Variants in MATN2 observed in about 807,000 individuals in gnomAD.
MATN2 encodes the protein matrilin-2.
In MATN2, 69 loss-of-function variants were observed where a neutral mutation model predicts 103.2. The ratio of observed to expected loss-of-function variants is 0.67; its 90% confidence interval spans 0.55 to 0.82. The LOEUF is 0.82. Ranked by LOEUF, MATN2 falls within the 40% of genes least tolerant of loss-of-function variation. The pLI, the probability that MATN2 is intolerant of heterozygous loss-of-function variation, is 0.00. For synonymous variants in MATN2, 429 were observed against 450.2 expected (o/e 0.95, Z 0.60); for missense variants, 1,023 against 1,211.5 (o/e 0.84, Z 2.31).
intron 2 of MATN2, among the ~76,000 whole-genome samples, chr8:97,899,617 G>C (rs1374169619): frequency 6.6e-6 from 1 of 152,006 alleles, no homozygotes; most frequent in Non-Finnish European, 1.5e-5. Context: ...CTTCTTATAA[G>C]GACACCAGTC....
chr8:97,986,053 G>C (rs924713027), intron 6 of MATN2, among the ~76,000 whole-genome samples: 1 of 152,142 alleles, frequency 6.6e-6, no homozygotes, highest in Non-Finnish European at 1.5e-5. Context: ...ATATGTATAT[G>C]TCAGAATGTG....
At chr8:98,032,800 G>A (rs1168743437) in intron 16 of MATN2, among the ~76,000 whole-genome samples, 1 of 151,962 alleles carries the variant, frequency 6.6e-6, no homozygotes, top group Non-Finnish European at 1.5e-5. Context: ...CCAAAGTGCT[G>A]GGATTACAGA....
chr8:98,020,091 T>C (rs2130425689), intron 12 of MATN2, among the ~76,000 whole-genome samples: 1 of 152,260 alleles, frequency 6.6e-6, no homozygotes, highest in Admixed American at 6.5e-5. Flanking sequence ...TGTGGAGATT[T>C]TGTCTATAAT....
chr8:97,925,095 AC>A (rs1809947592), intron 2 of MATN2, among the ~76,000 whole-genome samples: 2 of 152,172 alleles, frequency 1.3e-5, no homozygotes, highest in African/African-American at 4.8e-5. Context: ...CAGTACAGCC[AC>A]GTGGTGGAAG....
chr8:97,937,177 C>T (rs547953162), intron 3 of MATN2, among the ~76,000 whole-genome samples: 3 of 152,252 alleles, frequency 2.0e-5, no homozygotes, highest in African/African-American at 4.8e-5. Flanking sequence ...CCTGTACCAA[C>T]CAACAGTGGC....
At chr8:97,950,191 T>C (rs530907113) in intron 4 of MATN2, among the ~76,000 whole-genome samples, 126 of 152,298 alleles carry the variant, frequency 8.3e-4, no homozygotes, top group South Asian at 6.0e-3. Context: ...CATTCATTAA[T>C]CAGAACAAGG....
At chr8:97,951,162 C>T (rs903992430) in intron 4 of MATN2, among the ~76,000 whole-genome samples, 1 of 152,168 alleles carries the variant, frequency 6.6e-6, no homozygotes, top group East Asian at 1.9e-4. Flanking sequence ...ATCCAGCTTC[C>T]CCTTGACCCT....
At chr8:97,992,958 T>TAATAATAATAATAATAATAAC (rs1199866765) in intron 6 of MATN2, among the ~76,000 whole-genome samples, 1 of 145,966 alleles carries the variant, frequency 6.9e-6, no homozygotes, top group African/African-American at 2.7e-5. Flanking sequence ...ATAATAATAA[T>TAATAATAATAATAATAATAAC]AACAACAATA....
chr8:97,946,536 C>T (rs1024433576), intron 4 of MATN2, among the ~76,000 whole-genome samples: 3 of 152,226 alleles, frequency 2.0e-5, no homozygotes, highest in East Asian at 1.9e-4. Context: ...GAAGTGTGCC[C>T]GTCTTCACAT....
intron 2 of MATN2, among the ~76,000 whole-genome samples, chr8:97,914,014 C>T (rs761784703): frequency 6.6e-6 from 1 of 152,208 alleles, no homozygotes; most frequent in Non-Finnish European, 1.5e-5. Flanking sequence ...AAACTATTTG[C>T]TCCACCATCT....
chr8:97,891,425 C>T (rs947191409), intron 2 of MATN2, among the ~76,000 whole-genome samples: 12 of 152,194 alleles, frequency 7.9e-5, no homozygotes, highest in African/African-American at 2.9e-4. Flanking sequence ...GCAGCCTTGA[C>T]CTCTTGTGCT....
intron 10 of MATN2, among the ~76,000 whole-genome samples, chr8:98,013,544 C>G (rs1813249386): frequency 2.6e-5 from 4 of 152,220 alleles, no homozygotes; most frequent in Non-Finnish European, 5.9e-5. Context: ...CTGCCAACAT[C>G]TCACCTCTGA....
chr8:97,912,293 A>G (rs1027878319), intron 2 of MATN2, among the ~76,000 whole-genome samples: 2 of 152,214 alleles, frequency 1.3e-5, no homozygotes, highest in Non-Finnish European at 2.9e-5. Context: ...GACTATTTGC[A>G]GAAGAGCCTA....
intron 1 of MATN2, among the ~76,000 whole-genome samples, chr8:97,872,135 T>G (rs1405874012): frequency 6.6e-6 from 1 of 152,238 alleles, no homozygotes; most frequent in Non-Finnish European, 1.5e-5. Context: ...TTATATCATC[T>G]GTCAAATGGG....
At chr8:97,984,550 T>C (rs542420355) in intron 6 of MATN2, among the ~76,000 whole-genome samples, 10 of 152,322 alleles carry the variant, frequency 6.6e-5, no homozygotes, top group African/African-American at 1.9e-4. Flanking sequence ...ATTGTTGAAC[T>C]GAGATCCTCC....
chr8:97,945,065 A>G (rs962807758), intron 4 of MATN2, among the ~76,000 whole-genome samples: 2 of 152,216 alleles, frequency 1.3e-5, no homozygotes, highest in East Asian at 3.9e-4. Flanking sequence ...AAAATAGTGA[A>G]TAACACAGCA....
intron 2 of MATN2, among the ~76,000 whole-genome samples, chr8:97,892,655 A>G (rs1818672279): frequency 6.6e-6 from 1 of 152,238 alleles, no homozygotes; most frequent in African/African-American, 2.4e-5. Context: ...AAAACTTGAC[A>G]AAGAGTAGTT....
Position 98,005,515 on chromosome 8 carries a change from C to T in MATN2, c.1328-1590C>T, listed in dbSNP as rs935252743. ...GCCCCTCCCAGCATGCTTCCGGGGG[C>T]CAGAAGAGCTCTAAGAACGGACCAC... On this transcript the variant is annotated intron_variant, in intron 8 of 18. Coordinates refer to ENST00000254898, the MANE Select transcript of MATN2 (RefSeq NM_002380.5). The surrounding 1 kb of genome is among the most constrained non-coding windows in gnomAD (Gnocchi z 4.6). Among the ~76,000 whole-genome samples the T allele has an allele frequency of 6.6e-6, 1 of 152,124 alleles. No homozygotes were observed. The highest frequency in any genetic ancestry group is 1.5e-5 in the Non-Finnish European group (1 of 68,032).
chr8:97,981,423 A>T (rs1394290983), intron 6 of MATN2, among the ~76,000 whole-genome samples: 1 of 141,352 alleles, frequency 7.1e-6, no homozygotes, highest in Non-Finnish European at 1.5e-5. Context: ...ACTCTAAAAA[A>T]ATGAGTATTT....
Sources: allele counts gnomAD v4.1 joint callset (sites outside exome capture counted in the v4.1 genomes callset), GRCh38; gene constraint gnomAD v4.1.1; non-coding constraint Gnocchi (gnomAD v3.1); transcripts MANE v1.5; gene names NCBI Gene and HGNC (gene_info 2026-07-23, HGNC 2026-07-21).